The following UBN2 variants were observed in gnomAD, a reference collection of about 807,000 sequenced individuals.
The protein encoded by UBN2 is ubinuclein 2, also known as ubinuclein-2.
UBN2 carries 35 observed loss-of-function variants against 120.2 expected under a neutral mutation model. The ratio of observed to expected loss-of-function variants is 0.29; its 90% CI spans 0.22 to 0.39. The LOEUF is 0.39. UBN2 is among the 10% of genes least tolerant of loss of function. The pLI is 1.00. For missense variants in UBN2, 1,693 were observed against 1,663.2 expected (o/e 1.02, Z -0.31); for synonymous variants, 661 against 648.7 (o/e 1.02, Z -0.29).
At position 139,259,366 on chromosome 7, in the gene UBN2, C is replaced by A; in HGVS notation, c.901C>A (p.Leu301Met). 6.2e-7 allele frequency: 1 copy of A among 1,613,578 alleles called. No individual in the cohort carries two copies. The change falls in exon 5 of 18, where the codon CTG (leucine) becomes ATG (methionine). Residue 301 changes from leucine (L) to methionine (M), a missense_variant. Physicochemically the swap from Leu to Met is conservative, Grantham distance 15. Coordinates refer to ENST00000473989, the MANE Select transcript of UBN2 (RefSeq NM_173569.4). ...KKPRKKVPKQLGVVALNSHKS... is the reference protein window; with the variant it reads ...KKPRKKVPKQMGVVALNSHKS... ...GCCAAGGAAAAAAGTTCCCAAACAA[C>A]TGGGGTACGTTAAATTAAACCTAAG...
intron 9 of UBN2, among the ~76,000 whole-genome samples, chr7:139,272,742 G>A (rs1460047979): frequency 6.6e-6 from 1 of 152,124 alleles, no homozygotes; most frequent in Non-Finnish European, 1.5e-5. Context: ...GACCAGGCTG[G>A]TCTCAAACTC....
intron 2 of UBN2, among the ~76,000 whole-genome samples, chr7:139,251,743 G>T (rs59815457): frequency 0.019 from 2,919 of 152,244 alleles, 102 homozygotes; most frequent in African/African-American, 0.066. Context: ...TGTTGGCCAG[G>T]TTTTCTACTA....
the UBN2 span, among the ~76,000 whole-genome samples, chr7:139,315,668 G>A: frequency 6.6e-6 from 1 of 152,118 alleles, no homozygotes; most frequent in Admixed American, 6.6e-5. Flanking sequence ...GAGTGGAATT[G>A]CTGGATTTTA....
At chr7:139,328,246 G>A in the UBN2 span, among the ~76,000 whole-genome samples, 108 of 152,312 alleles carry the variant, frequency 7.1e-4, no homozygotes, top group African/African-American at 2.5e-3. Flanking sequence ...GGAAGGTGAA[G>A]AAGAAGCAAG....
rs34601968 is a variant in UBN2, at chr7:139,259,881, TG to T, written c.905+514del. 7.5e-3 allele frequency among the ~76,000 whole-genome samples: 1,148 copies of T among 152,190 alleles called. 19 individuals carry two copies. Among genetic ancestry groups the T allele is most frequent in the African/African-American group, 0.027 (1,105 of 41,520 alleles). On this transcript the variant is annotated intron_variant, in intron 5 of 17. Coordinates refer to ENST00000473989, the MANE Select transcript of UBN2 (RefSeq NM_173569.4). The stretch of plus-strand genomic sequence containing the variant: ...GTTATGCCTCAGCCTCCCAAGTAGC[TG>T]GGATTACAGGTGTATGTCATCACAC...
At chr7:139,257,121 C>CT (rs1796785097) in intron 3 of UBN2, among the ~76,000 whole-genome samples, 1 of 152,114 alleles carries the variant, frequency 6.6e-6, no homozygotes, top group Non-Finnish European at 1.5e-5. Context: ...AGATAAGTTC[C>CT]TTTTTTCTTT....
intron 4 of UBN2, 36 bp downstream of exon 4, chr7:139,258,661 G>A (rs1479791056): frequency 2.7e-6 from 4 of 1,487,924 alleles, no homozygotes; most frequent in African/African-American, 1.4e-5. Flanking sequence ...TACTGAGAAT[G>A]TTCAATTAAT....
intron 15 of UBN2, 64 bp downstream of exon 15, chr7:139,284,638 G>A (rs1293745342): frequency 1.4e-6 from 2 of 1,419,356 alleles, no homozygotes; most frequent in Non-Finnish European, 1.9e-6. Context: ...CTTTCTTGTG[G>A]GTAACTTTAA....
chr7:139,309,641 C>G (rs1433495974), downstream of UBN2, among the ~76,000 whole-genome samples: 1 of 152,222 alleles, frequency 6.6e-6, no homozygotes, highest in Non-Finnish European at 1.5e-5. Flanking sequence ...GTGGCCAAGG[C>G]CGGTGGATCA....
At chr7:139,326,119 G>A in the UBN2 span, among the ~76,000 whole-genome samples, 7 of 152,094 alleles carry the variant, frequency 4.6e-5, no homozygotes, top group Admixed American at 4.6e-4. Flanking sequence ...AACCAGGCGT[G>A]GTGGTGTGTA....
At chr7:139,270,350 C>T (rs1277992778) in intron 8 of UBN2, among the ~76,000 whole-genome samples, 1 of 150,824 alleles carries the variant, frequency 6.6e-6, no homozygotes, top group Non-Finnish European at 1.5e-5. Context: ...CTCACTGCAA[C>T]CACCATCTCC....
chr7:139,324,291 T>C, the UBN2 span, among the ~76,000 whole-genome samples: 1 of 152,046 alleles, frequency 6.6e-6, no homozygotes, highest in Admixed American at 6.6e-5. Context: ...GAAACTTGGC[T>C]GGGCGTGGTG....
intron 2 of UBN2, among the ~76,000 whole-genome samples, chr7:139,250,295 C>T (rs1177038524): frequency 6.6e-6 from 1 of 151,934 alleles, no homozygotes; most frequent in African/African-American, 2.4e-5. Flanking sequence ...TGCAGTGGTA[C>T]CATCTCGGCT....
the UBN2 span, among the ~76,000 whole-genome samples, chr7:139,314,156 C>G: frequency 3.4e-5 from 5 of 148,308 alleles, no homozygotes; most frequent in East Asian, 6.5e-4. Flanking sequence ...CCCAGAAACT[C>G]TTTTAGAAGT....
downstream of UBN2, among the ~76,000 whole-genome samples, chr7:139,310,229 A>C (rs1346114215): frequency 6.6e-6 from 1 of 152,030 alleles, no homozygotes; most frequent in Non-Finnish European, 1.5e-5. Context: ...TGGGAGGCTG[A>C]AGTGGGAGGA....
At chr7:139,264,455 G>A (rs529641687) in intron 6 of UBN2, among the ~76,000 whole-genome samples, 2 of 152,316 alleles carry the variant, frequency 1.3e-5, no homozygotes, top group East Asian at 3.9e-4. Context: ...CATAGAGTCT[G>A]TCTTCTTGGA....
intron 11 of UBN2, among the ~76,000 whole-genome samples, chr7:139,274,959 G>C (rs1797398050): frequency 6.6e-6 from 1 of 151,828 alleles, no homozygotes; most frequent in African/African-American, 2.4e-5. Context: ...AAGAAACAAA[G>C]AGTCGCTCTG....
Position 139,231,865 on chromosome 7 carries a change from G to C in UBN2, c.381G>C (p.Val127=), listed in dbSNP as rs1358695667. The C allele has an allele frequency of 6.4e-7, 1 of 1,561,332 alleles. No individual in the cohort carries two copies. Among genetic ancestry groups the C allele is most frequent in the Non-Finnish European group, 8.6e-7 (1 of 1,160,626 alleles). ...CGCCGCGGCCGCCGAGGGAGACGGT[G>C]CGCCTGGAGCTGGTGCTTAAGGACC... ...EQPPRPPRET[V]RLELVLKDPT... The change falls in exon 1 of 18, where the codon GTG becomes GTC. Residue 127 remains valine, a synonymous_variant. Transcript: ENST00000473989.
At chr7:139,290,440 A>G (rs1394843213) in intron 15 of UBN2, among the ~76,000 whole-genome samples, 1 of 152,216 alleles carries the variant, frequency 6.6e-6, no homozygotes, top group Non-Finnish European at 1.5e-5. Context: ...GTAAGAGCAA[A>G]TTTTGGTAAA....
Sources: allele counts gnomAD v4.1 joint callset (sites outside exome capture counted in the v4.1 genomes callset), GRCh38; gene constraint gnomAD v4.1.1; transcripts MANE v1.5; gene names NCBI Gene and HGNC (gene_info 2026-07-23, HGNC 2026-07-21).